XKR4: variants seen among roughly 807,000 people sequenced by gnomAD.
XKR4 encodes the protein XK-related protein 4.
XKR4 carries 12 observed loss-of-function variants against 53.9 expected under a neutral mutation model. That is an observed-to-expected ratio of 0.22 (90% CI 0.14 to 0.36). XKR4 has a LOEUF of 0.36. Among genes scored for constraint, XKR4 ranks in the 10% least tolerant of loss-of-function variants. The pLI is 1.00. For synonymous variants in XKR4, 354 were observed against 362.4 expected (o/e 0.98, Z 0.26); for missense variants, 799 against 859.5 (o/e 0.93, Z 0.88).
At chr8:55,403,328 A>C (rs116551052) in intron 2 of XKR4, among the ~76,000 whole-genome samples, 2,176 of 152,298 alleles carry the variant, frequency 0.014, 47 homozygotes, top group African/African-American at 0.05. Context: ...GCTTTTAAAT[A>C]GTTTTCCTAA....
At chr8:55,293,370 A>G (rs1020889753) in intron 1 of XKR4, among the ~76,000 whole-genome samples, 2 of 152,182 alleles carry the variant, frequency 1.3e-5, no homozygotes, top group Non-Finnish European at 2.9e-5. Flanking sequence ...ATAGTTTAAT[A>G]TAAGCTCTTT....
Position 55,532,427 on chromosome 8 carries a change from T to C in XKR4, c.*8200T>C, listed in dbSNP as rs890626063. On this transcript the variant is annotated 3_prime_UTR_variant, in exon 3 of 3. Transcript: ENST00000327381. Reference sequence around the variant, plus strand: ...AATTAATCAAAATATTAAGCAAATATTACCAGCACAGTACTGACACAAAAT... The same window carrying C: ...AATTAATCAAAATATTAAGCAAATACTACCAGCACAGTACTGACACAAAAT... 6.6e-6 allele frequency: 1 copy of C among 152,020 alleles called. No homozygotes were observed. The highest frequency in any genetic ancestry group is 6.5e-5 in the Admixed American group (1 of 15,280). The allele number at this position is 152,020 out of a possible 1,614,324, so 9.4% of individuals were successfully genotyped here.
intron 1 of XKR4, among the ~76,000 whole-genome samples, chr8:55,276,144 A>G (rs1382285105): frequency 6.6e-6 from 1 of 152,120 alleles, no homozygotes; most frequent in African/African-American, 2.4e-5. Flanking sequence ...TAGTAATAGA[A>G]CTACACTTCA....
intron 2 of XKR4, among the ~76,000 whole-genome samples, chr8:55,375,409 C>A: frequency 6.6e-6 from 1 of 152,074 alleles, no homozygotes; most frequent in Admixed American, 6.5e-5. Flanking sequence ...CTGTTTCTCT[C>A]CTAAATGGAT....
intron 1 of XKR4, among the ~76,000 whole-genome samples, chr8:55,129,090 CT>C (rs1816517700): frequency 6.6e-6 from 1 of 152,196 alleles, no homozygotes; most frequent in Non-Finnish European, 1.5e-5. Context: ...TAATATTAAA[CT>C]TACAGTGAGA....
Position 55,465,752 on chromosome 8 carries a change from A to AT in XKR4, c.1007-57528dup, listed in dbSNP as rs1351964503. ...AACCTACTCATCTGACAAAGGGCTA[A>AT]TATCCAGAATCTACAATGAACTCAA... On this transcript the variant is annotated intron_variant, in intron 2 of 2. Transcript: ENST00000327381. Among the ~76,000 whole-genome samples, 900 of 152,250 alleles carry AT rather than the reference A, an allele frequency of 5.9e-3. 12 individuals carry two copies. The highest frequency in any genetic ancestry group is 0.02 in the African/African-American group (839 of 41,512).
intron 2 of XKR4, among the ~76,000 whole-genome samples, chr8:55,411,559 T>C (rs1052155348): frequency 5.9e-5 from 9 of 152,232 alleles, no homozygotes; most frequent in African/African-American, 2.2e-4. Context: ...CTGCTGGCTC[T>C]TCAACTGACC....
chr8:55,417,821 T>A (rs1053682145), intron 2 of XKR4, among the ~76,000 whole-genome samples: 1 of 152,078 alleles, frequency 6.6e-6, no homozygotes, highest in Admixed American at 6.6e-5. Flanking sequence ...ATGATCTAGT[T>A]GGGGAGATCA....
chr8:55,468,943 AAT>A, intron 2 of XKR4, among the ~76,000 whole-genome samples: 1 of 152,256 alleles, frequency 6.6e-6, no homozygotes, highest in Non-Finnish European at 1.5e-5. Context: ...TTCCAAGTCA[AAT>A]ATTCAAAACC....
At chr8:55,453,756 T>C (rs1805499590) in intron 2 of XKR4, 1 of 394,424 alleles carries the variant, frequency 2.5e-6, no homozygotes, top group Admixed American at 3.4e-5. Context: ...TTCTTGTTCT[T>C]GCAGAGCTGC....
chr8:55,521,011 C>A (rs1477435432), intron 2 of XKR4: 1 of 152,276 alleles, frequency 6.6e-6, no homozygotes. Flanking sequence ...CTGACCACCC[C>A]GTTAACAACC....
At chr8:55,283,595 G>A (rs1244832637) in intron 1 of XKR4, among the ~76,000 whole-genome samples, 2 of 152,220 alleles carry the variant, frequency 1.3e-5, no homozygotes, top group African/African-American at 4.8e-5. Context: ...CTGACAGCCA[G>A]GGCTATTTTT....
At chr8:55,350,381 T>C (rs1490405180) in intron 1 of XKR4, among the ~76,000 whole-genome samples, 2 of 152,236 alleles carry the variant, frequency 1.3e-5, no homozygotes, top group African/African-American at 4.8e-5. Context: ...TGTGTCATTC[T>C]TTGTAAGCTG....
chr8:55,257,122 G>A (rs1240439384), intron 1 of XKR4, among the ~76,000 whole-genome samples: 2 of 152,024 alleles, frequency 1.3e-5, no homozygotes, highest in African/African-American at 4.8e-5. Context: ...AGGAATTTTG[G>A]GGGAACACCA....
chr8:55,398,536 A>G (rs2658903), intron 2 of XKR4, among the ~76,000 whole-genome samples: 17 of 152,104 alleles, frequency 1.1e-4, no homozygotes, highest in African/African-American at 4.1e-4. Context: ...AAGGAGGATG[A>G]GTTCCTCCAC....
chr8:55,122,168 T>C (rs1816401029), intron 1 of XKR4, among the ~76,000 whole-genome samples: 1 of 152,240 alleles, frequency 6.6e-6, no homozygotes, highest in Admixed American at 6.5e-5. Flanking sequence ...GATGGCCATG[T>C]TAATAATTTT....
At chr8:55,453,889 C>T in intron 2 of XKR4, 1 of 583,128 alleles carries the variant, frequency 1.7e-6, no homozygotes, top group South Asian at 1.5e-5. Flanking sequence ...GGACCCCACA[C>T]TCCAACACAA....
intron 2 of XKR4, among the ~76,000 whole-genome samples, chr8:55,441,800 T>C (rs370993510): frequency 6.6e-6 from 1 of 152,210 alleles, no homozygotes; most frequent in African/African-American, 2.4e-5. Context: ...AAAAATAATT[T>C]GGATGAAATG....
intron 1 of XKR4, among the ~76,000 whole-genome samples, chr8:55,209,070 TA>T (rs1817689366): frequency 6.6e-6 from 1 of 152,220 alleles, no homozygotes; most frequent in Admixed American, 6.5e-5. Context: ...CTGTGGCTCA[TA>T]GGCAACCAGG....
Sources: allele counts gnomAD v4.1 joint callset (sites outside exome capture counted in the v4.1 genomes callset), GRCh38; gene constraint gnomAD v4.1.1; transcripts MANE v1.5; gene names NCBI Gene and HGNC (gene_info 2026-07-23, HGNC 2026-07-21).